The following SNX27 variants were observed in gnomAD, a reference collection of about 807,000 sequenced individuals.
The protein encoded by SNX27 is sorting nexin-27.
A neutral mutation model predicts 71.6 loss-of-function variants in SNX27; 22 were observed. The ratio of observed to expected loss-of-function variants is 0.31; its 90% CI spans 0.22 to 0.44. SNX27 has a LOEUF of 0.44. SNX27 is among the 20% of genes least tolerant of loss of function. The pLI, the probability that SNX27 is intolerant of heterozygous loss-of-function variation, is 1.00. For missense variants in SNX27, 531 were observed against 698.6 expected, an observed-to-expected ratio of 0.76 and a Z score of 2.70; for synonymous variants, 269 against 277.2, an observed-to-expected ratio of 0.97 and a Z score of 0.29.
intron 2 of SNX27, among the ~76,000 whole-genome samples, chr1:151,648,480 C>T (rs974791535): frequency 1.6e-4 from 24 of 151,816 alleles, no homozygotes; most frequent in Admixed American, 5.9e-4. Flanking sequence ...AGTGCAATAG[C>T]GCGATCTTGG....
intron 2 of SNX27, among the ~76,000 whole-genome samples, chr1:151,644,951 T>C (rs906981079): frequency 2.0e-5 from 3 of 152,066 alleles, no homozygotes; most frequent in East Asian, 1.9e-4. Flanking sequence ...AGGCATGCGC[T>C]ACCACACCTG....
chr1:151,668,687 T>G, intron 7 of SNX27, 52 bp downstream of exon 7: 1 of 1,544,862 alleles, frequency 6.5e-7, no homozygotes, highest in Non-Finnish European at 8.8e-7. Flanking sequence ...TGTTTGAATA[T>G]AGTTGGTACT....
chr1:151,664,448 A>G (rs1670104387), intron 5 of SNX27, among the ~76,000 whole-genome samples: 2 of 151,838 alleles, frequency 1.3e-5, no homozygotes, highest in East Asian at 3.9e-4. Flanking sequence ...TCATCTTTGT[A>G]TATTTCTTAC....
intron 1 of SNX27, among the ~76,000 whole-genome samples, chr1:151,628,356 C>T (rs904985498): frequency 1.3e-5 from 2 of 152,150 alleles, no homozygotes; most frequent in African/African-American, 2.4e-5. Context: ...TAATACTCAA[C>T]TGTATGGCTC....
chr1:151,658,458 G>A (rs1167800173), intron 3 of SNX27, 31 bp downstream of exon 3: 1 of 1,587,550 alleles, frequency 6.3e-7, no homozygotes, highest in Non-Finnish European at 8.6e-7. Context: ...CTACTATATT[G>A]AGTAGACGTA....
chr1:151,646,426 T>C (rs1210172366), intron 2 of SNX27, among the ~76,000 whole-genome samples: 7 of 151,858 alleles, frequency 4.6e-5, no homozygotes, highest in African/African-American at 1.7e-4. Context: ...TTTATTTTTT[T>C]CCTCATTTCC....
rs918518907 is a variant in SNX27 at position 151,698,273 on chromosome 1, C to T, written c.*3856C>T. 6.6e-6 allele frequency: 1 copy of T among 152,634 alleles called. No individual in the cohort carries two copies. The highest frequency in any genetic ancestry group is 1.5e-5 in the Non-Finnish European group (1 of 68,034). The allele number at this position is 152,634 out of a possible 1,614,324, so 9.5% of individuals were successfully genotyped here. On this transcript the variant is annotated 3_prime_UTR_variant, in exon 12 of 12. Coordinates refer to ENST00000458013, the MANE Select transcript of SNX27 (RefSeq NM_001330723.2). ...GGGCACTGACAGGAGATGAAACTCT[C>T]TCCTATCTCAGAATTTGCCAACTTC...
chr1:151,612,633 C>G lies in SNX27; in HGVS notation c.311+121C>G. The stretch of plus-strand genomic sequence containing the variant: ...CGAGCTCCGAGCCGGCCTCCGGACC[C>G]CCGCCCCTCAGGCCTCCGCAGCCGG... On this transcript the variant is annotated intron_variant, in intron 1 of 11. Coordinates refer to ENST00000458013, the MANE Select transcript of SNX27 (RefSeq NM_001330723.2). The surrounding 1 kb of genome is among the most constrained non-coding windows in gnomAD (Gnocchi z 5.2). 1 of 799,766 alleles carries G rather than the reference C, an allele frequency of 1.3e-6. No homozygotes were observed. The highest frequency in any genetic ancestry group is 1.7e-6 in the Non-Finnish European group (1 of 582,584). The allele number at this position is 799,766 out of a possible 1,614,324, so 49.5% of individuals were successfully genotyped here. A position where few individuals can be genotyped will look rare whatever the true frequency, so the allele number is the denominator to read the frequency against.
intron 1 of SNX27, chr1:151,615,862 A>G: frequency 1.0e-6 from 1 of 971,134 alleles, no homozygotes; most frequent in Non-Finnish European, 1.2e-6. Context: ...GACACAAGTA[A>G]GAGCTTCAGT....
chr1:151,641,062 G>A lies in SNX27; in HGVS notation c.543+1943G>A, dbSNP rs140788739. Among the ~76,000 whole-genome samples, 133 of 152,292 alleles carry A rather than the reference G, an allele frequency of 8.7e-4. 1 individual carries two copies. The highest frequency in any genetic ancestry group is 3.0e-3 in the African/African-American group (126 of 41,572). ...GTCCCTTTTTAATTGCTGAGTAGTA[G>A]TCCATTGTATAGATTTACTACAGTT... On this transcript the variant is annotated intron_variant, in intron 2 of 11. Transcript: ENST00000458013.
At chr1:151,681,096 T>C (rs541389926) in intron 7 of SNX27, among the ~76,000 whole-genome samples, 1 of 152,118 alleles carries the variant, frequency 6.6e-6, no homozygotes, top group Admixed American at 6.6e-5. Flanking sequence ...ATATATACTT[T>C]ACAAAACTCT....
intron 7 of SNX27, among the ~76,000 whole-genome samples, chr1:151,680,760 A>G (rs139950181): frequency 1.2e-4 from 18 of 152,318 alleles, no homozygotes; most frequent in Non-Finnish European, 2.5e-4. Flanking sequence ...AACTGGATAG[A>G]CCAGTATTGT....
intron 2 of SNX27, among the ~76,000 whole-genome samples, chr1:151,651,508 T>G (rs1343544036): frequency 2.3e-5 from 3 of 130,220 alleles, no homozygotes; most frequent in African/African-American, 8.9e-5. Flanking sequence ...GGGCAGAGGG[T>G]CTCCTCACTT....
chr1:151,664,191 T>G (rs1670091279), intron 5 of SNX27, among the ~76,000 whole-genome samples: 1 of 78,674 alleles, frequency 1.3e-5, no homozygotes, highest in African/African-American at 4.5e-5. Context: ...AATAATATAA[T>G]AATATACAAA....
At chr1:151,656,109 G>A (rs1277701661) in intron 2 of SNX27, among the ~76,000 whole-genome samples, 1 of 151,826 alleles carries the variant, frequency 6.6e-6, no homozygotes, top group Non-Finnish European at 1.5e-5. Context: ...TGTAGTCTCA[G>A]CTACTTGGGA....
At chr1:151,630,942 G>C (rs1340168156) in intron 1 of SNX27, among the ~76,000 whole-genome samples, 2 of 152,340 alleles carry the variant, frequency 1.3e-5, no homozygotes, top group South Asian at 2.1e-4. Flanking sequence ...TGAGGCGGGA[G>C]AATGGCGTGA....
intron 5 of SNX27, 40 bp from the exon 6 acceptor site, chr1:151,665,893 C>T: frequency 6.5e-7 from 1 of 1,533,450 alleles, no homozygotes; most frequent in Admixed American, 1.7e-5. Context: ...CATTGTCTGA[C>T]TTAATTTTCT....
intron 7 of SNX27, chr1:151,679,595 A>G (rs1670849036): frequency 6.6e-6 from 1 of 152,220 alleles, no homozygotes; most frequent in African/African-American, 2.4e-5. Flanking sequence ...GAGTTTTGAT[A>G]TTTGGTTATT....
intron 1 of SNX27, among the ~76,000 whole-genome samples, chr1:151,632,226 C>T (rs1465066281): frequency 1.3e-5 from 2 of 151,362 alleles, no homozygotes; most frequent in South Asian, 2.1e-4. Context: ...GGTGCGATCT[C>T]GGCTCACTGC....
Sources: gnomAD v4.1 joint callset for allele counts (sites outside exome capture counted in the v4.1 genomes callset) on GRCh38, gnomAD v4.1.1 for gene constraint, Gnocchi (gnomAD v3.1) non-coding constraint, MANE v1.5 for transcripts, NCBI Gene and HGNC (gene_info 2026-07-23, HGNC 2026-07-21) for gene names.